The following UBE4B variants were observed in gnomAD, a reference collection of about 807,000 sequenced individuals.
UBE4B encodes the protein ubiquitination factor E4B.
UBE4B carries 27 observed loss-of-function variants against 148.1 expected under a neutral mutation model. That is an observed-to-expected ratio of 0.18 (90% CI 0.13 to 0.25). The LOEUF (loss-of-function observed/expected upper bound fraction) is 0.25. UBE4B is among the 10% of genes least tolerant of loss of function. The probability of loss-of-function intolerance (pLI) is 1.00; values close to 1 mark genes in which losing one functional copy is unlikely to be tolerated. For synonymous variants in UBE4B, 596 were observed against 619.3 expected, an observed-to-expected ratio of 0.96 and a Z score of 0.56; for missense variants, 1,170 against 1,662.4, an observed-to-expected ratio of 0.70 and a Z score of 5.15.
chr1:10,161,999 C>CTTTTTTTTTTTTTTTTTTTTTT lies in UBE4B; in HGVS notation c.3198+729_3198+730insTTTTTTTTTTTTTTTTTTTTTT, dbSNP rs764089127. Among the ~76,000 whole-genome samples, 4 of 137,260 alleles carry CTTTTTTTTTTTTTTTTTTTTTT rather than the reference C, an allele frequency of 2.9e-5. No individual in the cohort carries two copies. Among genetic ancestry groups the CTTTTTTTTTTTTTTTTTTTTTT allele is most frequent in the African/African-American group, 1.1e-4 (4 of 37,434 alleles). The allele number at this position is 137,260 out of a possible 152,430, so 90.0% of individuals were successfully genotyped here. A position where few individuals can be genotyped will look rare whatever the true frequency, so the allele number is the denominator to read the frequency against. On this transcript the variant is annotated intron_variant, in intron 23 of 27. Transcript: ENST00000343090. The surrounding 1 kb of genome is among the most constrained non-coding windows in gnomAD (Gnocchi z 4.1). The stretch of plus-strand genomic sequence containing the variant: ...GGGGACTGCTTTTTCTTCACTTTTT[C>CTTTTTTTTTTTTTTTTTTTTTT]TTTTTTTTTTTTTTTTGAGACGGAG...
At chr1:10,109,139 G>C (rs1002737702) in intron 7 of UBE4B, among the ~76,000 whole-genome samples, 1 of 152,018 alleles carries the variant, frequency 6.6e-6, no homozygotes, top group African/African-American at 2.4e-5. Context: ...TGTGGTGTCA[G>C]CTCTGTCCAT....
intron 3 of UBE4B, among the ~76,000 whole-genome samples, chr1:10,099,036 C>T (rs939052604): frequency 3.9e-5 from 6 of 151,988 alleles, no homozygotes; most frequent in African/African-American, 1.2e-4. Context: ...GTCAGGAGTT[C>T]GAGACAAGCC....
intron 20 of UBE4B, among the ~76,000 whole-genome samples, chr1:10,149,570 A>G (rs1425281607): frequency 6.6e-6 from 1 of 152,206 alleles, no homozygotes; most frequent in East Asian, 1.9e-4. Flanking sequence ...GAAGGAGGAA[A>G]CAGTTTATAA....
intron 17 of UBE4B, among the ~76,000 whole-genome samples, chr1:10,137,921 CTTTTTTTTTTTTTTTTTTTTT>C (rs70998351): frequency 3.0e-5 from 2 of 66,982 alleles, no homozygotes; most frequent in African/African-American, 6.9e-5. Flanking sequence ...CTTACTAATT[CTTTTTTTTTTTTTTTTTTTTT>C]TTTTTTTTTT....
rs544375550 is a variant in UBE4B, at chr1:10,178,072, G to T, written c.3526-572G>T. 1.3e-4 allele frequency among the ~76,000 whole-genome samples: 20 copies of T among 152,218 alleles called. 1 individual carries two copies. In the East Asian group the frequency reaches 3.9e-3, roughly 29 times the overall value. On this transcript the variant is annotated intron_variant, in intron 25 of 27. Transcript: ENST00000343090. ...CAGGCCTATTCATCAGTTCACCAGG[G>T]TGGTCTAACGTCCATGGAGCCCCTG...
At chr1:10,087,131 C>T (rs1644779331) in intron 2 of UBE4B, among the ~76,000 whole-genome samples, 1 of 152,148 alleles carries the variant, frequency 6.6e-6, no homozygotes, top group Non-Finnish European at 1.5e-5. Flanking sequence ...AACTTGTAAA[C>T]ACGTTCACAT....
intron 2 of UBE4B, among the ~76,000 whole-genome samples, chr1:10,089,208 T>C (rs952575481): frequency 1.3e-5 from 2 of 152,026 alleles, no homozygotes; most frequent in Non-Finnish European, 2.9e-5. Context: ...GGTTTCACCA[T>C]ATTGGCCAGG....
At chr1:10,086,193 G>T (rs546789076) in intron 2 of UBE4B, among the ~76,000 whole-genome samples, 1 of 152,148 alleles carries the variant, frequency 6.6e-6, no homozygotes, top group Non-Finnish European at 1.5e-5. Context: ...GGATGGTCTC[G>T]ATCTCCTGAC....
chr1:10,137,145 C>G lies in UBE4B; in HGVS notation c.2303C>G (p.Ser768Cys). ...CTCACCCTGCATGCTCACCACCTCT[C>G]TATTCTGCCTAGTTGCCGTCGCTAT... ...FFLTLHAHHL[S>C]ILPSCRRYIR... The change falls in exon 17 of 28, where the codon TCT (serine) becomes TGT (cysteine). Residue 768 changes from serine (S) to cysteine (C), a missense_variant. Physicochemically the swap from Ser to Cys is moderately radical, Grantham distance 112. Around this residue, in one of 6 missense-constraint regions of UBE4B, gnomAD observed 388 missense variants for 536.0 expected, o/e 0.72. Coordinates refer to ENST00000343090, the MANE Select transcript of UBE4B (RefSeq NM_001105562.3). The G allele has an allele frequency of 6.2e-7, 1 of 1,614,196 alleles. No individual in the cohort carries two copies. The highest frequency in any genetic ancestry group is 8.5e-7 in the Non-Finnish European group (1 of 1,180,036).
chr1:10,075,532 C>G lies in UBE4B; in HGVS notation c.211+3318C>G, dbSNP rs182397985. 2.6e-5 allele frequency among the ~76,000 whole-genome samples: 4 copies of G among 152,360 alleles called. No homozygotes were observed. In the East Asian group the frequency reaches 7.7e-4, roughly 29 times the overall value. On this transcript the variant is annotated intron_variant, in intron 2 of 27. Coordinates refer to ENST00000343090, the MANE Select transcript of UBE4B (RefSeq NM_001105562.3). ...TGTAACAGCCCATATGCTGTTATCA[C>G]AAACTAACAGAAAGGCTTGGGCATT...
chr1:10,160,160 A>G (rs1425609143), intron 22 of UBE4B, among the ~76,000 whole-genome samples: 2 of 152,302 alleles, frequency 1.3e-5, no homozygotes, highest in East Asian at 1.9e-4. Flanking sequence ...GTTCACCAGC[A>G]AGTTCTCATT....
At chr1:10,134,945 T>G in intron 15 of UBE4B, 43 bp from the exon 16 acceptor site, 2 of 1,584,762 alleles carry the variant, frequency 1.3e-6, no homozygotes, top group Non-Finnish European at 1.7e-6. Flanking sequence ...AAAAAAAATT[T>G]TTTTTAATGT....
At position 10,105,710 on chromosome 1, in the gene UBE4B, A is replaced by G. The variant is rs745610889; in HGVS notation, c.775A>G (p.Ser259Gly). 7 of 1,614,168 alleles carry G rather than the reference A, an allele frequency of 4.3e-6. No individual in the cohort carries two copies. Residue 259 changes from serine (S) to glycine (G), a missense_variant, in exon 6 of 28, where the codon AGC (serine) becomes GGC (glycine). Physicochemically the swap from Ser to Gly is moderately conservative, Grantham distance 56. Coordinates refer to ENST00000343090, the MANE Select transcript of UBE4B (RefSeq NM_001105562.3). The stretch of plus-strand genomic sequence containing the variant: ...TCCAGGAACAAGCCCCATGTTCTGC[A>G]GCGTGGCTTCCTTTGGTGCCAGCTC... ...SNPGTSPMFC[S>G]VASFGASSLS...
intron 1 of UBE4B, among the ~76,000 whole-genome samples, chr1:10,034,676 ATCCATCAAGT>A (rs1643435404): frequency 6.6e-6 from 1 of 152,226 alleles, no homozygotes; most frequent in African/African-American, 2.4e-5. Flanking sequence ...GAAAGCAGTC[ATCCATCAAGT>A]TGATTGTACT....
At chr1:10,097,571 G>T (rs1053750304) in intron 3 of UBE4B, among the ~76,000 whole-genome samples, 2 of 152,178 alleles carry the variant, frequency 1.3e-5, no homozygotes, top group African/African-American at 4.8e-5. Context: ...ATCACTTTGG[G>T]AGGCCGACGC....
At chr1:10,095,428 TG>T (rs769184373) in intron 2 of UBE4B, 32 bp from the exon 3 acceptor site, 1 of 1,610,618 alleles carries the variant, frequency 6.2e-7, no homozygotes, top group Non-Finnish European at 8.5e-7. Context: ...TTATTTCACA[TG>T]GGGCTTCATC....
At chr1:10,176,630 C>CCTAATGT (rs1646432641) in intron 25 of UBE4B, among the ~76,000 whole-genome samples, 1 of 151,966 alleles carries the variant, frequency 6.6e-6, no homozygotes, top group African/African-American at 2.4e-5. Context: ...TTTGTATTTC[C>CCTAATGT]CTAATGTCAA....
intron 7 of UBE4B, among the ~76,000 whole-genome samples, chr1:10,112,293 A>G (rs965927509): frequency 2.0e-5 from 3 of 152,226 alleles, no homozygotes; most frequent in African/African-American, 7.2e-5. Context: ...AATATGACAT[A>G]TTTCCAAGAT....
intron 1 of UBE4B, 150 bp downstream of exon 1, chr1:10,033,844 G>C (rs1157890463): frequency 6.3e-6 from 5 of 796,674 alleles, no homozygotes; most frequent in Non-Finnish European, 7.4e-6. Flanking sequence ...TCCCCGATAG[G>C]GTCTCTGGTT....
Sources: gnomAD v4.1 joint callset for allele counts (sites outside exome capture counted in the v4.1 genomes callset) on GRCh38, gnomAD v4.1.1 for gene constraint, gnomAD v4.1.1 regional missense constraint, Gnocchi (gnomAD v3.1) non-coding constraint, MANE v1.5 for transcripts, NCBI Gene and HGNC (gene_info 2026-07-23, HGNC 2026-07-21) for gene names.